EYA1: variants seen among roughly 807,000 people sequenced by gnomAD.
EYA1 encodes protein phosphatase EYA1.
Under a neutral mutation model 82.0 loss-of-function variants are expected in EYA1, and 16 were observed. The observed-to-expected ratio is 0.20, with a 90% CI of 0.13 to 0.30. EYA1 has a LOEUF of 0.30. EYA1 is among the 10% of genes least tolerant of loss of function. The pLI is 1.00. For missense variants in EYA1, 633 were observed against 730.7 expected (o/e 0.87, Z 1.54); for synonymous variants, 261 against 264.4 (o/e 0.99, Z 0.12).
intron 1 of EYA1, among the ~76,000 whole-genome samples, chr8:71,360,713 C>T (rs1469256155): frequency 6.6e-6 from 1 of 152,218 alleles, no homozygotes; most frequent in Non-Finnish European, 1.5e-5. Flanking sequence ...ATAAAACCTA[C>T]TTTGAAAGAC....
At chr8:71,211,906 A>G (rs1305812182) in intron 16 of EYA1, among the ~76,000 whole-genome samples, 1 of 152,212 alleles carries the variant, frequency 6.6e-6, no homozygotes, top group Non-Finnish European at 1.5e-5. Flanking sequence ...TTACCCAGGC[A>G]TCTAATGTTC....
intron 11 of EYA1, among the ~76,000 whole-genome samples, chr8:71,266,098 T>C (rs1459539475): frequency 2.0e-5 from 3 of 152,236 alleles, no homozygotes; most frequent in East Asian, 1.9e-4. Flanking sequence ...GGCCTACTCA[T>C]TGAGTTGCCT....
chr8:71,227,960 G>T (rs1315516710), intron 12 of EYA1, among the ~76,000 whole-genome samples: 1 of 152,072 alleles, frequency 6.6e-6, no homozygotes, highest in Non-Finnish European at 1.5e-5. Context: ...ACTCAATTTT[G>T]CATAAAAGAA....
intron 12 of EYA1, among the ~76,000 whole-genome samples, chr8:71,220,452 G>C (rs1005966429): frequency 2.0e-5 from 3 of 152,170 alleles, no homozygotes; most frequent in Non-Finnish European, 2.9e-5. Flanking sequence ...CCTCAGAGAA[G>C]ACAGAGATAG....
intron 2 of EYA1, among the ~76,000 whole-genome samples, chr8:71,394,329 C>T (rs186521312): frequency 2.3e-4 from 35 of 152,264 alleles, no homozygotes; most frequent in African/African-American, 7.0e-4. Context: ...GTTTTTGTTG[C>T]CATTGCTTTT....
intron 11 of EYA1, among the ~76,000 whole-genome samples, chr8:71,260,536 GA>G (rs369063370): frequency 6.6e-6 from 1 of 152,226 alleles, no homozygotes; most frequent in African/African-American, 2.4e-5. Context: ...GAATCACAAA[GA>G]ATATATTATC....
At chr8:71,398,787 A>G (rs1242816755) in intron 2 of EYA1, among the ~76,000 whole-genome samples, 1 of 152,126 alleles carries the variant, frequency 6.6e-6, no homozygotes, top group Non-Finnish European at 1.5e-5. Context: ...CAGGTCTCAA[A>G]CTCCGTGCTG....
rs1244838739 is a variant in EYA1, at chr8:71,199,432, G to T, written c.1699-12C>A. On this transcript the variant is annotated splice_polypyrimidine_tract_variant and intron_variant, in intron 17 of 17. Coordinates refer to ENST00000340726, the MANE Select transcript of EYA1 (RefSeq NM_000503.6). The stretch of plus-strand genomic sequence containing the variant: ...AAGGGCATCGCGTGCTGCAGCAGAG[G>T]CACACATACATGTGAGGACAGAGCA... 1.9e-6 allele frequency: 3 copies of T among 1,606,344 alleles called. No individual in the cohort carries two copies. The East Asian group carries it at 6.7e-5, about 36-fold the overall frequency.
intron 2 of EYA1, among the ~76,000 whole-genome samples, chr8:71,420,982 T>C (rs1831116706): frequency 6.6e-6 from 1 of 152,136 alleles, no homozygotes; most frequent in African/African-American, 2.4e-5. Context: ...AAGTTAAACA[T>C]AACTTTTCAT....
rs1356237788 is a variant in EYA1 at position 71,453,158 on chromosome 8, GA to G, written c.33+82585del. 3.9e-5 allele frequency among the ~76,000 whole-genome samples: 6 copies of G among 152,346 alleles called. 1 individual carries two copies. The highest frequency in any genetic ancestry group is 1.2e-4 in the African/African-American group (5 of 41,590). On this transcript the variant is annotated intron_variant, in intron 2 of 18. Coordinates refer to the EYA1 transcript ENST00000643681. ...CAGTAGATGATTCCATCAACTGGAA[GA>G]AAGGGTATCAGTGATTGAAGATCAA...
At chr8:71,343,474 T>A (rs1825376165) in intron 3 of EYA1, among the ~76,000 whole-genome samples, 1 of 152,140 alleles carries the variant, frequency 6.6e-6, no homozygotes, top group African/African-American at 2.4e-5. Context: ...GATTAATGGT[T>A]TATCAGGAGA....
chr8:71,207,309 G>A (rs916718457), intron 17 of EYA1, among the ~76,000 whole-genome samples: 8 of 152,070 alleles, frequency 5.3e-5, no homozygotes, highest in Non-Finnish European at 8.8e-5. Flanking sequence ...ATACAAAGAC[G>A]ACTATTTATA....
At chr8:71,294,734 T>A (rs1293687925) in intron 9 of EYA1, among the ~76,000 whole-genome samples, 1 of 152,146 alleles carries the variant, frequency 6.6e-6, no homozygotes, top group African/African-American at 2.4e-5. Flanking sequence ...TACTGACAAA[T>A]TGATTCTAAA....
At chr8:71,477,398 T>C (rs548301775) in intron 2 of EYA1, among the ~76,000 whole-genome samples, 7 of 152,208 alleles carry the variant, frequency 4.6e-5, no homozygotes, top group African/African-American at 1.7e-4. Context: ...AATTTTAAAA[T>C]GGGCAATGGG....
intron 4 of EYA1, among the ~76,000 whole-genome samples, chr8:71,329,994 T>C (rs767704895): frequency 2.6e-5 from 4 of 151,122 alleles, no homozygotes; most frequent in Non-Finnish European, 5.9e-5. Flanking sequence ...TTAGGGAGAG[T>C]AAGGCAGGTG....
At chr8:71,495,400 G>A (rs1438348381) in intron 2 of EYA1, among the ~76,000 whole-genome samples, 5 of 152,110 alleles carry the variant, frequency 3.3e-5, no homozygotes, top group Non-Finnish European at 7.4e-5. Context: ...GATCACTTGA[G>A]GTCAGGAGTT....
At chr8:71,294,384 C>CG (rs901173890) in intron 9 of EYA1, among the ~76,000 whole-genome samples, 17 of 151,868 alleles carry the variant, frequency 1.1e-4, no homozygotes, top group African/African-American at 3.9e-4. Flanking sequence ...GCGTGAACCC[C>CG]GGGGGGCGGA....
intron 2 of EYA1, among the ~76,000 whole-genome samples, chr8:71,488,138 C>G (rs1810708643): frequency 6.6e-6 from 1 of 151,330 alleles, no homozygotes; most frequent in Admixed American, 6.6e-5. Context: ...TACTGCATAG[C>G]AATGTAAAAT....
chr8:71,381,863 T>G (rs1472833223), intron 2 of EYA1, among the ~76,000 whole-genome samples: 1 of 152,230 alleles, frequency 6.6e-6, no homozygotes, highest in Non-Finnish European at 1.5e-5. Context: ...TATTGGTATT[T>G]TAGTTAACAG....
Sources: allele counts gnomAD v4.1 joint callset (sites outside exome capture counted in the v4.1 genomes callset), GRCh38; gene constraint gnomAD v4.1.1; transcripts MANE v1.5; gene names NCBI Gene and HGNC (gene_info 2026-07-23, HGNC 2026-07-21).